The following SND1 variants were observed in gnomAD, a reference collection of about 807,000 sequenced individuals.
SND1 encodes staphylococcal nuclease domain-containing protein 1.
In SND1, 38 loss-of-function variants were observed where a neutral mutation model predicts 121.7. The observed-to-expected ratio is 0.31, with a 90% CI of 0.24 to 0.41. SND1 has a LOEUF of 0.41. Among genes scored for constraint, SND1 ranks in the 10% least tolerant of loss-of-function variants. The pLI is 1.00. For synonymous variants in SND1, 401 were observed against 447.4 expected, an observed-to-expected ratio of 0.90 and a Z score of 1.31; for missense variants, 868 against 1,184.6, an observed-to-expected ratio of 0.73 and a Z score of 3.92.
intron 10 of SND1, among the ~76,000 whole-genome samples, chr7:127,784,053 T>C (rs1336291024): frequency 6.6e-6 from 1 of 152,240 alleles, no homozygotes; most frequent in Non-Finnish European, 1.5e-5. Context: ...GTTGAGTTTC[T>C]ACATATGGGT....
chr7:127,786,392 A>G (rs1299837002), intron 10 of SND1, among the ~76,000 whole-genome samples: 2 of 152,184 alleles, frequency 1.3e-5, no homozygotes, highest in Non-Finnish European at 2.9e-5. Context: ...TTAAAATCTC[A>G]TTGGGAACAA....
At chr7:127,773,239 G>A (rs922357396) in intron 10 of SND1, among the ~76,000 whole-genome samples, 2 of 152,184 alleles carry the variant, frequency 1.3e-5, no homozygotes, top group Non-Finnish European at 2.9e-5. Context: ...GGATCACGAG[G>A]TCAGGAGATC....
intron 22 of SND1, 68 bp from the exon 23 acceptor site, chr7:128,091,769 G>T: frequency 1.3e-6 from 2 of 1,542,426 alleles, no homozygotes; most frequent in Non-Finnish European, 1.8e-6. Context: ...TAAGCATTCT[G>T]CAGGGTCCTG....
At position 128,089,949 on chromosome 7, in the gene SND1, G is replaced by A. The variant is rs558551463; in HGVS notation, c.2622+257G>A. 6.1e-4 allele frequency: 285 copies of A among 465,250 alleles called. 3 individuals carry two copies. The highest frequency in any genetic ancestry group is 5.3e-3 in the South Asian group (245 of 46,098). The allele number at this position is 465,250 out of a possible 1,614,324, so 28.8% of individuals were successfully genotyped here. ...AAGCTTCCCTCCCCATGTACCCCCA[G>A]GTGACAGGCGAGAAAGCTTTGCCAG... is the stretch of plus-strand genomic sequence containing the variant. On this transcript the variant is annotated intron_variant, in intron 22 of 23. Transcript: ENST00000354725.
At chr7:127,978,679 A>G (rs1205301218) in intron 15 of SND1, among the ~76,000 whole-genome samples, 1 of 152,176 alleles carries the variant, frequency 6.6e-6, no homozygotes, top group South Asian at 2.1e-4. Context: ...TCACATGACC[A>G]TAAGGTTTTT....
At chr7:128,004,206 A>G (rs1336100363) in intron 16 of SND1, among the ~76,000 whole-genome samples, 1 of 151,990 alleles carries the variant, frequency 6.6e-6, no homozygotes, top group Admixed American at 6.6e-5. Context: ...AAGGGCTCTC[A>G]TTGTTTTTAC....
intron 10 of SND1, among the ~76,000 whole-genome samples, chr7:127,784,453 G>A (rs915232951): frequency 1.3e-5 from 2 of 152,102 alleles, no homozygotes; most frequent in Admixed American, 1.3e-4. Flanking sequence ...CTTTAAGTTT[G>A]AAAGCTTCAG....
chr7:127,669,137 C>T (rs938543647), intron 1 of SND1, among the ~76,000 whole-genome samples: 2 of 152,100 alleles, frequency 1.3e-5, no homozygotes, highest in Non-Finnish European at 2.9e-5. Context: ...GGACTACAGG[C>T]GCTCGACACC....
intron 16 of SND1, chr7:127,999,386 C>T (rs1802762358): frequency 1.0e-5 from 1 of 99,768 alleles, no homozygotes. Flanking sequence ...TAATGTTGTT[C>T]CTATCAAAAA....
intron 9 of SND1, among the ~76,000 whole-genome samples, chr7:127,708,241 G>A (rs1344423682): frequency 6.6e-6 from 1 of 152,138 alleles, no homozygotes; most frequent in Admixed American, 6.5e-5. Context: ...TGTTTGGTAG[G>A]TTAGGTAAAC....
In SND1 at chr7:127,975,872, A is replaced by G. The variant is rs3808068; in HGVS notation, c.1670-15075A>G. On this transcript the variant is annotated intron_variant, in intron 15 of 23. Coordinates refer to ENST00000354725, the MANE Select transcript of SND1 (RefSeq NM_014390.4). ...CCCCACAGAGGTGCTCATGGCTGTT[A>G]GTAGGCAGGTCCGGCTCCATTCAGC... is the stretch of plus-strand genomic sequence containing the variant. Among the ~76,000 whole-genome samples the G allele has an allele frequency of 6.4e-4, 97 of 152,302 alleles. 2 individuals are homozygous for G. The East Asian group carries it at 0.015, about 24-fold the overall frequency.
At chr7:127,713,921 G>A (rs1051786007) in intron 9 of SND1, among the ~76,000 whole-genome samples, 3 of 152,154 alleles carry the variant, frequency 2.0e-5, no homozygotes, top group Non-Finnish European at 4.4e-5. Context: ...TTTTGTGCCC[G>A]TCGTGGCCTG....
intron 22 of SND1, 71 bp downstream of exon 22, chr7:128,089,763 C>G: frequency 7.3e-7 from 1 of 1,372,596 alleles, no homozygotes; most frequent in Non-Finnish European, 1.0e-6. Flanking sequence ...GTTCCACAAG[C>G]CAGGAAGGGA....
intron 2 of SND1, 101 bp from the exon 3 acceptor site, chr7:127,694,727 G>C: frequency 1.4e-6 from 2 of 1,391,146 alleles, no homozygotes. Flanking sequence ...CAGGACCATG[G>C]TAGGTACTCA....
chr7:128,012,461 A>C (rs931200156), intron 16 of SND1, among the ~76,000 whole-genome samples: 3 of 152,224 alleles, frequency 2.0e-5, no homozygotes, highest in African/African-American at 7.2e-5. Flanking sequence ...AGAAAGCCCC[A>C]GTCCCTTAAG....
rs1010692116 is a variant in SND1 at position 127,752,164 on chromosome 7, A to G, written c.1152+30764A>G. ...TCTTCCTAATATAACTGGAGAGTTT[A>G]TTCCAGTGGGAATTGTACTTGACAT... On this transcript the variant is annotated intron_variant, in intron 10 of 23. Transcript: ENST00000354725. Among the ~76,000 whole-genome samples the G allele has an allele frequency of 4.6e-5, 7 of 152,136 alleles. 1 individual carries two copies. Among genetic ancestry groups the G allele is most frequent in the South Asian group, 2.1e-4 (1 of 4,828 alleles).
chr7:128,013,139 C>A (rs1248039866), intron 16 of SND1, among the ~76,000 whole-genome samples: 1 of 152,174 alleles, frequency 6.6e-6, no homozygotes, highest in African/African-American at 2.4e-5. Flanking sequence ...TCAGCCCAGT[C>A]CTAAGAACAA....
chr7:127,869,321 G>A (rs1034697413), intron 12 of SND1, among the ~76,000 whole-genome samples: 3 of 152,122 alleles, frequency 2.0e-5, no homozygotes, highest in Non-Finnish European at 4.4e-5. Context: ...TGGGGTTAGC[G>A]AAGGAGGGAA....
At position 127,854,836 on chromosome 7, in the gene SND1, A is replaced by T. The variant is rs112622600; in HGVS notation, c.1343+10412A>T. On this transcript the variant is annotated intron_variant, in intron 12 of 23. Transcript: ENST00000354725. ...AATGGAGTTTTTATAAATTTTTGTA[A>T]CTCACAGTAGTGATTCTGCTTAAAA... Among the ~76,000 whole-genome samples the T allele has an allele frequency of 9.0e-3, 1,373 of 151,842 alleles. 21 individuals are homozygous for T. Among genetic ancestry groups the T allele is most frequent in the African/African-American group, 0.031 (1,272 of 41,414 alleles).
Sources: allele counts gnomAD v4.1 joint callset (sites outside exome capture counted in the v4.1 genomes callset), GRCh38; gene constraint gnomAD v4.1.1; transcripts MANE v1.5; gene names NCBI Gene and HGNC (gene_info 2026-07-23, HGNC 2026-07-21).